CTNNA3: variants seen among roughly 807,000 people sequenced by gnomAD.
The protein encoded by CTNNA3 is catenin alpha 3.
CTNNA3 carries 76 observed loss-of-function variants against 95.7 expected under a neutral mutation model. The ratio of observed to expected loss-of-function variants is 0.79; its 90% CI spans 0.66 to 0.96. CTNNA3 has a LOEUF of 0.96. Ranked by LOEUF, CTNNA3 falls within the 40% of genes least tolerant of loss-of-function variation. CTNNA3 has a pLI of 0.00. For synonymous variants in CTNNA3, 431 were observed against 374.4 expected (o/e 1.15, Z -1.74); for missense variants, 1,191 against 1,089.8 (o/e 1.09, Z -1.31).
rs1272275576 is a variant in CTNNA3, at chr10:67,237,153, T to C, written c.580-17283A>G. 3.6e-4 allele frequency among the ~76,000 whole-genome samples: 27 copies of C among 75,130 alleles called. 1 individual carries two copies. The highest frequency in any genetic ancestry group is 2.2e-3 in the Admixed American group (20 of 8,944). The allele number at this position is 75,130 out of a possible 152,430, so 49.3% of individuals were successfully genotyped here. ...ATATATATATATATATATATATATA[T>C]ATATATATATATATATATATACACA... On this transcript the variant is annotated intron_variant, in intron 5 of 17. Coordinates refer to ENST00000433211, the MANE Select transcript of CTNNA3 (RefSeq NM_013266.4).
chr10:66,879,283 A>T (rs1844752864), intron 7 of CTNNA3, among the ~76,000 whole-genome samples: 1 of 152,142 alleles, frequency 6.6e-6, no homozygotes. Context: ...TAATGAAAAG[A>T]CTTTAAAACT....
intron 15 of CTNNA3, among the ~76,000 whole-genome samples, chr10:66,031,211 T>C (rs995202598): frequency 6.6e-6 from 1 of 152,152 alleles, no homozygotes; most frequent in African/African-American, 2.4e-5. Flanking sequence ...ATTGGGTACA[T>C]GCCCAAAGGA....
chr10:66,763,406 G>A (rs1477898809), intron 9 of CTNNA3, among the ~76,000 whole-genome samples: 1 of 149,352 alleles, frequency 6.7e-6, no homozygotes, highest in East Asian at 2.0e-4. Flanking sequence ...TAGTGTGCAA[G>A]CAGTATGCCT....
intron 11 of CTNNA3, among the ~76,000 whole-genome samples, chr10:66,504,543 T>C (rs1840386314): frequency 2.6e-5 from 4 of 152,190 alleles, no homozygotes; most frequent in African/African-American, 9.6e-5. Context: ...AAATCTTTGT[T>C]CTCTCACAAT....
At chr10:67,575,518 G>A (rs747925388) in intron 3 of CTNNA3, among the ~76,000 whole-genome samples, 19 of 152,242 alleles carry the variant, frequency 1.2e-4, no homozygotes, top group Non-Finnish European at 2.4e-4. Flanking sequence ...GGGGTTAAGC[G>A]TTGAGCTGTT....
intron 11 of CTNNA3, among the ~76,000 whole-genome samples, chr10:66,430,580 G>A (rs1230259310): frequency 6.6e-6 from 1 of 152,088 alleles, no homozygotes; most frequent in Non-Finnish European, 1.5e-5. Context: ...ACAGAACAGA[G>A]CCCTCAGAAA....
chr10:67,683,297 C>T (rs1203748200), intron 1 of CTNNA3, among the ~76,000 whole-genome samples: 2 of 152,164 alleles, frequency 1.3e-5, no homozygotes, highest in Non-Finnish European at 2.9e-5. Flanking sequence ...CTGTCTTCAC[C>T]CCCATCCACA....
At chr10:66,001,623 C>T (rs749301713) in intron 15 of CTNNA3, among the ~76,000 whole-genome samples, 1 of 152,046 alleles carries the variant, frequency 6.6e-6, no homozygotes, top group Admixed American at 6.6e-5. Context: ...AATAGAAAAT[C>T]AAATGTTTTA....
At chr10:65,947,921 G>T (rs924664489) in intron 17 of CTNNA3, among the ~76,000 whole-genome samples, 1 of 152,190 alleles carries the variant, frequency 6.6e-6, no homozygotes, top group African/African-American at 2.4e-5. Context: ...CTGGTTGGAA[G>T]TATAAGTGAG....
chr10:66,588,175 T>C (rs1295187020), intron 10 of CTNNA3, among the ~76,000 whole-genome samples: 3 of 152,022 alleles, frequency 2.0e-5, no homozygotes, highest in Admixed American at 6.6e-5. Context: ...CTGGGTAGTG[T>C]TAAGATCTGC....
intron 7 of CTNNA3, among the ~76,000 whole-genome samples, chr10:66,995,729 T>C (rs1851291263): frequency 6.6e-6 from 1 of 152,202 alleles, no homozygotes; most frequent in Non-Finnish European, 1.5e-5. Context: ...CTGCTCCTTC[T>C]GCTTAAAAGA....
At chr10:66,699,563 AT>A (rs954707109) in intron 9 of CTNNA3, among the ~76,000 whole-genome samples, 9 of 151,508 alleles carry the variant, frequency 5.9e-5, no homozygotes, top group African/African-American at 2.2e-4. Flanking sequence ...TACTTTGGTC[AT>A]TTTTTTTATA....
At chr10:67,193,404 A>T (rs935146846) in intron 6 of CTNNA3, among the ~76,000 whole-genome samples, 2 of 151,922 alleles carry the variant, frequency 1.3e-5, no homozygotes, top group South Asian at 2.1e-4. Flanking sequence ...TATATAGGTA[A>T]ACTTGTGTCA....
At position 67,732,884 on chromosome 10, in the gene CTNNA3, A is replaced by ACG. The variant is rs144093304; in HGVS notation, c.-2+30548_-2+30549dup. Among the ~76,000 whole-genome samples, 82 of 132,644 alleles carry ACG rather than the reference A, an allele frequency of 6.2e-4. 1 individual carries two copies. Among genetic ancestry groups the ACG allele is most frequent in the Non-Finnish European group, 1.2e-3 (77 of 64,476 alleles). The allele number at this position is 132,644 out of a possible 152,430, so 87.0% of individuals were successfully genotyped here. ...AGCCTTCTCCCTCTTTCTCTCACTC[A>ACG]CGCACACACACACACACACACACAC... On this transcript the variant is annotated intron_variant, in intron 1 of 17. Coordinates refer to the CTNNA3 transcript ENST00000684154.
At chr10:66,960,276 A>T (rs958267637) in intron 7 of CTNNA3, among the ~76,000 whole-genome samples, 1 of 152,164 alleles carries the variant, frequency 6.6e-6, no homozygotes, top group Non-Finnish European at 1.5e-5. Flanking sequence ...AATGATCACA[A>T]ATCTCCTACA....
At chr10:66,756,332 A>C (rs557957204) in intron 9 of CTNNA3, among the ~76,000 whole-genome samples, 1 of 152,320 alleles carries the variant, frequency 6.6e-6, no homozygotes, top group South Asian at 2.1e-4. Flanking sequence ...AATTTCATAA[A>C]AATGTCAAAG....
intron 7 of CTNNA3, among the ~76,000 whole-genome samples, chr10:67,172,638 T>A (rs1862067572): frequency 1.3e-5 from 2 of 152,132 alleles, no homozygotes; most frequent in African/African-American, 4.8e-5. Context: ...GTAGATCAAT[T>A]AAGGTCTGTT....
intron 1 of CTNNA3, among the ~76,000 whole-genome samples, chr10:67,748,650 C>T (rs1010739844): frequency 5.3e-5 from 8 of 152,164 alleles, no homozygotes; most frequent in African/African-American, 1.9e-4. Context: ...TGCAAAAACA[C>T]ACTGAAGTGC....
intron 7 of CTNNA3, among the ~76,000 whole-genome samples, chr10:67,114,709 G>GGT (rs56772381): frequency 0.14 from 20,132 of 144,730 alleles, 1,629 homozygotes; most frequent in Non-Finnish European, 0.19. Context: ...GGTTCTTAAA[G>GGT]GTGTGTGTGT....
Sources: allele counts gnomAD v4.1 joint callset (sites outside exome capture counted in the v4.1 genomes callset), GRCh38; gene constraint gnomAD v4.1.1; transcripts MANE v1.5; gene names NCBI Gene and HGNC (gene_info 2026-07-23, HGNC 2026-07-21).